The following GABRG3 variants were observed in gnomAD, a reference collection of about 807,000 sequenced individuals.
GABRG3 encodes the protein gamma-aminobutyric acid receptor subunit gamma-3.
In GABRG3, 25 loss-of-function variants were observed where a neutral mutation model predicts 48.8. The observed-to-expected ratio is 0.51, with a 90% CI of 0.37 to 0.72. GABRG3 has a LOEUF of 0.72. Ranked by LOEUF, GABRG3 falls within the 30% of genes least tolerant of loss-of-function variation. GABRG3 has a pLI of 0.00. For missense variants in GABRG3, 394 were observed against 577.9 expected, an observed-to-expected ratio of 0.68 and a Z score of 3.26; for synonymous variants, 227 against 217.6, an observed-to-expected ratio of 1.04 and a Z score of -0.38.
At chr15:27,267,241 A>G (rs1175496040) in intron 3 of GABRG3, among the ~76,000 whole-genome samples, 1 of 150,330 alleles carries the variant, frequency 6.7e-6, no homozygotes, top group African/African-American at 2.5e-5. Flanking sequence ...CAAGTAGCTG[A>G]GATTGCAGGC....
chr15:27,434,508 TAATA>T (rs969610083), intron 5 of GABRG3, among the ~76,000 whole-genome samples: 3 of 152,028 alleles, frequency 2.0e-5, no homozygotes, highest in African/African-American at 7.2e-5. Context: ...AAATAATTCA[TAATA>T]AATAATTATA....
intron 5 of GABRG3, among the ~76,000 whole-genome samples, chr15:27,415,145 C>G (rs781749937): frequency 1.3e-5 from 2 of 152,098 alleles, no homozygotes; most frequent in Non-Finnish European, 2.9e-5. Flanking sequence ...TTTCCTTTCT[C>G]TTTCTCCTCA....
At chr15:26,972,345 T>C (rs936212461) in intron 1 of GABRG3, among the ~76,000 whole-genome samples, 3 of 152,150 alleles carry the variant, frequency 2.0e-5, no homozygotes, top group South Asian at 2.1e-4. Context: ...CTAGAAGAGA[T>C]GAAGAGGGCG....
intron 3 of GABRG3, among the ~76,000 whole-genome samples, chr15:27,112,303 C>T (rs550367980): frequency 6.6e-6 from 1 of 152,122 alleles, no homozygotes; most frequent in Non-Finnish European, 1.5e-5. Flanking sequence ...TTCAATTTGT[C>T]CAGCTTTTTC....
At chr15:27,266,230 A>G (rs1011861282) in intron 3 of GABRG3, among the ~76,000 whole-genome samples, 5 of 151,882 alleles carry the variant, frequency 3.3e-5, no homozygotes, top group Admixed American at 1.3e-4. Flanking sequence ...ATTTACATCA[A>G]TCATTCATTT....
At chr15:27,309,019 A>G (rs1892889582) in intron 3 of GABRG3, among the ~76,000 whole-genome samples, 1 of 150,636 alleles carries the variant, frequency 6.6e-6, no homozygotes, top group Non-Finnish European at 1.5e-5. Context: ...ATATATGTTT[A>G]TATAGAAACA....
At chr15:27,123,690 T>C (rs1408443475) in intron 3 of GABRG3, among the ~76,000 whole-genome samples, 1 of 152,138 alleles carries the variant, frequency 6.6e-6, no homozygotes, top group Non-Finnish European at 1.5e-5. Flanking sequence ...CCCGAGTGAT[T>C]AGCACAGTGG....
chr15:27,295,373 C>G (rs897012495), intron 3 of GABRG3, among the ~76,000 whole-genome samples: 1 of 152,076 alleles, frequency 6.6e-6, no homozygotes, highest in Admixed American at 6.6e-5. Flanking sequence ...TTTGCTAGAC[C>G]TCAACTCTCC....
intron 3 of GABRG3, among the ~76,000 whole-genome samples, chr15:27,115,422 T>C (rs1897624092): frequency 6.6e-6 from 1 of 152,162 alleles, no homozygotes; most frequent in Non-Finnish European, 1.5e-5. Flanking sequence ...GGTCAGGATG[T>C]TTTAGTACTC....
At chr15:27,103,076 T>C (rs776308833) in intron 3 of GABRG3, among the ~76,000 whole-genome samples, 12 of 152,216 alleles carry the variant, frequency 7.9e-5, no homozygotes, top group Non-Finnish European at 1.6e-4. Flanking sequence ...TTCGTCCTAG[T>C]CTTTCTTAGT....
chr15:27,406,935 G>T (rs1485112678), intron 5 of GABRG3, among the ~76,000 whole-genome samples: 2 of 152,002 alleles, frequency 1.3e-5, no homozygotes, highest in Non-Finnish European at 2.9e-5. Flanking sequence ...TGTTGTTGTT[G>T]TTGTTGTTTT....
chr15:27,477,437 G>A (rs1480995212), intron 5 of GABRG3, among the ~76,000 whole-genome samples: 1 of 152,152 alleles, frequency 6.6e-6, no homozygotes, highest in Non-Finnish European at 1.5e-5. Context: ...GGAATGAATA[G>A]GTGGAGCACA....
intron 7 of GABRG3, among the ~76,000 whole-genome samples, chr15:27,521,335 C>T (rs939270077): frequency 7.9e-5 from 12 of 152,068 alleles, no homozygotes; most frequent in South Asian, 4.1e-4. Flanking sequence ...GTACCCTAGA[C>T]GTCCTTTAAT....
At chr15:27,004,106 G>A (rs1357099119) in intron 2 of GABRG3, among the ~76,000 whole-genome samples, 3 of 150,698 alleles carry the variant, frequency 2.0e-5, no homozygotes, top group African/African-American at 4.9e-5. Context: ...CCCGGACGGG[G>A]CGGCTGGCCG....
intron 6 of GABRG3, among the ~76,000 whole-genome samples, chr15:27,494,324 T>A (rs1052339810): frequency 3.4e-4 from 51 of 152,122 alleles, no homozygotes; most frequent in Non-Finnish European, 6.9e-4. Flanking sequence ...TGAGAGTTTT[T>A]AAATAATATT....
chr15:27,439,754 C>T (rs1294351159), intron 5 of GABRG3, among the ~76,000 whole-genome samples: 1 of 152,170 alleles, frequency 6.6e-6, no homozygotes, highest in Non-Finnish European at 1.5e-5. Context: ...CTATTTTTTT[C>T]TCTCTGAGAT....
At chr15:27,532,522 GGACCTACTGCT>G (rs1891448363) in intron 9 of GABRG3, 67 bp from the exon 10 acceptor site, 1 of 1,390,906 alleles carries the variant, frequency 7.2e-7, no homozygotes, top group African/African-American at 1.4e-5. Context: ...GATGTAATAT[GGACCTACTGCT>G]TCATACACCT....
At chr15:27,269,278 T>C (rs748612668) in intron 3 of GABRG3, among the ~76,000 whole-genome samples, 1 of 152,192 alleles carries the variant, frequency 6.6e-6, no homozygotes, top group Non-Finnish European at 1.5e-5. Flanking sequence ...ACCAATACTT[T>C]TTTAAAAGTT....
chr15:27,242,305 G>A (rs536259226), intron 3 of GABRG3, among the ~76,000 whole-genome samples: 1 of 152,274 alleles, frequency 6.6e-6, no homozygotes, highest in African/African-American at 2.4e-5. Context: ...GGATTCAGGG[G>A]TTAATGAGAG....
Sources: gnomAD v4.1 joint callset for allele counts (sites outside exome capture counted in the v4.1 genomes callset) on GRCh38, gnomAD v4.1.1 for gene constraint, MANE v1.5 for transcripts, NCBI Gene and HGNC (gene_info 2026-07-23, HGNC 2026-07-21) for gene names.